The following KCNQ5 variants were observed in gnomAD, a reference collection of about 807,000 sequenced individuals.
KCNQ5 encodes the protein potassium voltage-gated channel subfamily KQT member 5.
A neutral mutation model predicts 98.2 loss-of-function variants in KCNQ5; 30 were observed. The observed-to-expected ratio is 0.31, with a 90% CI of 0.23 to 0.41. The LOEUF (loss-of-function observed/expected upper bound fraction) is 0.41. Among genes scored for constraint, KCNQ5 ranks in the 10% least tolerant of loss-of-function variants. The probability of loss-of-function intolerance (pLI) is 1.00; values close to 1 mark genes in which losing one functional copy is unlikely to be tolerated. For missense variants in KCNQ5, 835 were observed against 1,182.5 expected (o/e 0.71, Z 4.31); for synonymous variants, 458 against 449.4 (o/e 1.02, Z -0.24).
intron 1 of KCNQ5, among the ~76,000 whole-genome samples, chr6:72,627,902 T>A (rs1393325539): frequency 6.6e-6 from 1 of 152,186 alleles, no homozygotes; most frequent in African/African-American, 2.4e-5. Context: ...TTGGGCATAT[T>A]TCCAAACAGT....
intron 1 of KCNQ5, among the ~76,000 whole-genome samples, chr6:72,855,792 G>A (rs761045534): frequency 1.3e-5 from 2 of 152,070 alleles, no homozygotes; most frequent in African/African-American, 4.8e-5. Context: ...TTCACCCTCC[G>A]GTATAGAGAT....
At chr6:73,122,073 G>T (rs933685068) in intron 8 of KCNQ5, among the ~76,000 whole-genome samples, 2 of 152,140 alleles carry the variant, frequency 1.3e-5, no homozygotes, top group Non-Finnish European at 2.9e-5. Flanking sequence ...TTTTTATGGA[G>T]TTTAAGACCC....
chr6:72,682,011 G>T (rs1232076727), intron 1 of KCNQ5, among the ~76,000 whole-genome samples: 2 of 152,156 alleles, frequency 1.3e-5, no homozygotes, highest in African/African-American at 2.4e-5. Flanking sequence ...CTTCTTGTGA[G>T]ATCCTTCAGA....
At chr6:72,647,273 A>G (rs1381272166) in intron 1 of KCNQ5, among the ~76,000 whole-genome samples, 1 of 152,144 alleles carries the variant, frequency 6.6e-6, no homozygotes, top group Non-Finnish European at 1.5e-5. Flanking sequence ...AAAAAAATGG[A>G]CATGGTGAGT....
chr6:73,042,232 A>C (rs41265507), intron 3 of KCNQ5, 170 bp downstream of exon 3: 458 of 702,948 alleles, frequency 6.5e-4, no homozygotes, highest in Non-Finnish European at 8.7e-4. Flanking sequence ...TTGTCTCCAC[A>C]GCATTATGAG....
rs1024058638 is a variant in KCNQ5, at chr6:73,196,684, C to T, written c.*1270C>T. Reference sequence around the variant, plus strand: ...ACTGTAGTGAAAATTTTCTATTCTTCCCAAGAATGTTGTCCCAAATCTGAA... The same window carrying T: ...ACTGTAGTGAAAATTTTCTATTCTTTCCAAGAATGTTGTCCCAAATCTGAA... On this transcript the variant is annotated 3_prime_UTR_variant, in exon 14 of 14. Coordinates refer to ENST00000370398, the MANE Select transcript of KCNQ5 (RefSeq NM_019842.4). The T allele has an allele frequency of 2.0e-5, 3 of 152,246 alleles. No homozygotes were observed. In the South Asian group the frequency reaches 6.2e-4, roughly 32 times the overall value. The allele number at this position is 152,246 out of a possible 1,614,324, so 9.4% of individuals were successfully genotyped here.
intron 1 of KCNQ5, among the ~76,000 whole-genome samples, chr6:72,963,315 C>T (rs147629030): frequency 7.7e-4 from 117 of 152,248 alleles, no homozygotes; most frequent in East Asian, 1.2e-3. Flanking sequence ...GCTGCATATA[C>T]GGAATTCATA....
intron 11 of KCNQ5, among the ~76,000 whole-genome samples, chr6:73,181,338 A>C (rs3799285): frequency 2.5e-4 from 38 of 152,274 alleles, no homozygotes; most frequent in African/African-American, 8.9e-4. Flanking sequence ...TGCTGTATTA[A>C]TCCCAGTGAT....
At chr6:72,817,910 A>C (rs1030103698) in intron 1 of KCNQ5, among the ~76,000 whole-genome samples, 6 of 152,040 alleles carry the variant, frequency 3.9e-5, no homozygotes, top group Non-Finnish European at 7.4e-5. Context: ...AGAAAAAAAG[A>C]AACTGAGGCC....
chr6:72,816,135 G>C lies in KCNQ5; in HGVS notation c.399-187773G>C, dbSNP rs112868337. On this transcript the variant is annotated intron_variant, in intron 1 of 13. Transcript: ENST00000370398. ...GCTGCAGAAGTCATAGGGGGAGAAG[G>C]TGTCAGAAAGGAAAGTCCAGACAAG... Among the ~76,000 whole-genome samples, 1,003 of 152,280 alleles carry C rather than the reference G, an allele frequency of 6.6e-3. 4 individuals are homozygous for C. The highest frequency in any genetic ancestry group is 0.011 in the Non-Finnish European group (760 of 68,030).
At chr6:72,646,374 G>T (rs1765597116) in intron 1 of KCNQ5, among the ~76,000 whole-genome samples, 2 of 151,990 alleles carry the variant, frequency 1.3e-5, no homozygotes, top group South Asian at 4.1e-4. Flanking sequence ...AATAAATTTT[G>T]TAAATGTATG....
intron 1 of KCNQ5, chr6:72,967,795 CTA>C (rs1767691003): frequency 6.5e-6 from 1 of 154,802 alleles, no homozygotes; most frequent in South Asian, 2.0e-4. Flanking sequence ...TAGGTTCTCA[CTA>C]TGTTGTCTAG....
intron 1 of KCNQ5, among the ~76,000 whole-genome samples, chr6:72,762,741 C>T (rs978359840): frequency 6.6e-6 from 1 of 152,032 alleles, no homozygotes; most frequent in Non-Finnish European, 1.5e-5. Flanking sequence ...GTAAGTAATA[C>T]TTATATATTG....
intron 5 of KCNQ5, among the ~76,000 whole-genome samples, chr6:73,083,995 C>G (rs1258256370): frequency 6.6e-6 from 1 of 152,114 alleles, no homozygotes; most frequent in Non-Finnish European, 1.5e-5. Context: ...AACCCATTAA[C>G]CGACCACACT....
intron 11 of KCNQ5, among the ~76,000 whole-genome samples, chr6:73,184,843 A>C (rs1778513691): frequency 6.6e-6 from 1 of 152,216 alleles, no homozygotes; most frequent in African/African-American, 2.4e-5. Context: ...GATGGGCTGG[A>C]GAGCAGGCAG....
At chr6:73,103,402 AC>A (rs1774869714) in intron 5 of KCNQ5, among the ~76,000 whole-genome samples, 1 of 151,934 alleles carries the variant, frequency 6.6e-6, no homozygotes, top group East Asian at 1.9e-4. Context: ...ATCAAACACC[AC>A]ATGTTCTCAT....
At chr6:72,876,931 T>G (rs1254612623) in intron 1 of KCNQ5, among the ~76,000 whole-genome samples, 1 of 152,176 alleles carries the variant, frequency 6.6e-6, no homozygotes, top group African/African-American at 2.4e-5. Context: ...CAGTGATCAC[T>G]GGGATGGGAC....
intron 1 of KCNQ5, among the ~76,000 whole-genome samples, chr6:72,888,394 T>G (rs9350475): frequency 0.6 from 91,084 of 151,948 alleles, 27,969 homozygotes; most frequent in East Asian, 0.79. Context: ...ACAGAGGGCC[T>G]GTAATAATGA....
intron 5 of KCNQ5, among the ~76,000 whole-genome samples, chr6:73,088,675 A>G (rs1774095444): frequency 6.6e-6 from 1 of 152,174 alleles, no homozygotes; most frequent in South Asian, 2.1e-4. Flanking sequence ...CCTGCTAGAC[A>G]TTTCTGCATT....
Sources: allele counts gnomAD v4.1 joint callset (sites outside exome capture counted in the v4.1 genomes callset), GRCh38; gene constraint gnomAD v4.1.1; transcripts MANE v1.5; gene names NCBI Gene and HGNC (gene_info 2026-07-23, HGNC 2026-07-21).